LARGE1: variants seen among roughly 807,000 people sequenced by gnomAD.
The protein encoded by LARGE1 is LARGE xylosyl- and glucuronyltransferase 1.
LARGE1 carries 43 observed loss-of-function variants against 87.6 expected under a neutral mutation model. The ratio of observed to expected loss-of-function variants is 0.49; its 90% CI spans 0.38 to 0.63. The LOEUF (loss-of-function observed/expected upper bound fraction) is 0.63. LARGE1 is among the 30% of genes least tolerant of loss of function. LARGE1 has a pLI of 0.00. For missense variants in LARGE1, 802 were observed against 1,000.2 expected (o/e 0.80, Z 2.67); for synonymous variants, 434 against 394.6 (o/e 1.10, Z -1.18).
At chr22:33,382,155 C>T (rs2065181321) in intron 8 of LARGE1, 111 bp from the exon 9 acceptor site, 2 of 1,407,284 alleles carry the variant, frequency 1.4e-6, no homozygotes, top group African/African-American at 1.4e-5. Context: ...GAACCTCCTG[C>T]TCTGAACACA....
intron 2 of LARGE1, among the ~76,000 whole-genome samples, chr22:33,689,630 G>A (rs2082039549): frequency 6.6e-6 from 1 of 152,132 alleles, no homozygotes; most frequent in South Asian, 2.1e-4. Flanking sequence ...AGAAAAAGGT[G>A]AGGTGGGGGA....
the LARGE1 span, among the ~76,000 whole-genome samples, chr22:33,091,521 C>A: frequency 6.6e-6 from 1 of 151,842 alleles, no homozygotes. Context: ...GATCGCGCCA[C>A]TGCTCTCCAG....
chr22:33,819,598 C>A (rs776446144), intron 1 of LARGE1, among the ~76,000 whole-genome samples: 1 of 152,026 alleles, frequency 6.6e-6, no homozygotes, highest in Admixed American at 6.6e-5. Flanking sequence ...AGTCAACTGC[C>A]TTGACTTCAA....
chr22:33,569,090 T>C (rs1402535695), intron 5 of LARGE1, among the ~76,000 whole-genome samples: 1 of 152,184 alleles, frequency 6.6e-6, no homozygotes, highest in East Asian at 1.9e-4. Flanking sequence ...TTTATAAACA[T>C]CTTCCTCATG....
At chr22:33,798,634 G>C (rs143307054) in intron 1 of LARGE1, among the ~76,000 whole-genome samples, 2 of 152,106 alleles carry the variant, frequency 1.3e-5, no homozygotes, top group African/African-American at 4.8e-5. Flanking sequence ...CCCGGACATA[G>C]GACCTTGACA....
chr22:33,782,622 T>G (rs1008946205), intron 1 of LARGE1, among the ~76,000 whole-genome samples: 29 of 152,104 alleles, frequency 1.9e-4, no homozygotes, highest in African/African-American at 7.0e-4. Context: ...ATCCCAGCAC[T>G]TTGGGAGGCC....
chr22:33,251,701 T>C (rs1927014496), intron 11 of LARGE1, among the ~76,000 whole-genome samples: 1 of 152,210 alleles, frequency 6.6e-6, no homozygotes, highest in African/African-American at 2.4e-5. Context: ...TCAAACCCCA[T>C]TGCAAACCTC....
chr22:33,681,274 G>A (rs1357865964), intron 2 of LARGE1, among the ~76,000 whole-genome samples: 2 of 152,192 alleles, frequency 1.3e-5, no homozygotes, highest in Non-Finnish European at 2.9e-5. Flanking sequence ...GGGATGATGT[G>A]AATGGGCCAT....
intron 1 of LARGE1, among the ~76,000 whole-genome samples, chr22:33,867,025 C>A (rs916476839): frequency 1.3e-5 from 2 of 152,104 alleles, no homozygotes; most frequent in African/African-American, 4.8e-5. Context: ...ACAAAGCTAC[C>A]CACAAAGGTG....
At chr22:33,816,743 A>G (rs79215677) in intron 1 of LARGE1, among the ~76,000 whole-genome samples, 1 of 141,026 alleles carries the variant, frequency 7.1e-6, no homozygotes, top group Non-Finnish European at 1.6e-5. Flanking sequence ...CAGATACAGA[A>G]AGACAGATAC....
intron 3 of LARGE1, among the ~76,000 whole-genome samples, chr22:33,640,800 T>G (rs548097942): frequency 1.3e-5 from 2 of 152,154 alleles, no homozygotes; most frequent in East Asian, 3.9e-4. Context: ...CCCCTCACAG[T>G]GTTAATTGAC....
chr22:33,431,463 C>A (rs2067078382), intron 7 of LARGE1, among the ~76,000 whole-genome samples: 1 of 152,162 alleles, frequency 6.6e-6, no homozygotes, highest in Non-Finnish European at 1.5e-5. Flanking sequence ...CTCAAAAGTG[C>A]TGATTACCAA....
At chr22:33,693,595 C>T (rs1178439860) in intron 2 of LARGE1, among the ~76,000 whole-genome samples, 6 of 152,032 alleles carry the variant, frequency 3.9e-5, no homozygotes, top group East Asian at 3.9e-4. Flanking sequence ...GAGGCCGAGG[C>T]GGGCGGATCA....
intron 7 of LARGE1, among the ~76,000 whole-genome samples, chr22:33,420,744 T>G (rs1188729017): frequency 6.6e-6 from 1 of 152,190 alleles, no homozygotes; most frequent in Non-Finnish European, 1.5e-5. Context: ...AGATGCATGT[T>G]TAATTTCTGT....
chr22:33,577,296 G>C (rs1483967577), intron 5 of LARGE1, among the ~76,000 whole-genome samples: 1 of 152,150 alleles, frequency 6.6e-6, no homozygotes, highest in African/African-American at 2.4e-5. Context: ...TTTAAAAAGA[G>C]GTTAAGAAAC....
chr22:33,891,558 C>G (rs2065008170), intron 1 of LARGE1, among the ~76,000 whole-genome samples: 1 of 152,152 alleles, frequency 6.6e-6, no homozygotes, highest in Non-Finnish European at 1.5e-5. Context: ...CCTTCTCTGG[C>G]TTGGTTAATT....
the LARGE1 span, among the ~76,000 whole-genome samples, chr22:33,104,047 A>G: frequency 1.3e-5 from 2 of 152,214 alleles, no homozygotes; most frequent in Non-Finnish European, 2.9e-5. Context: ...ACCCAGTCTC[A>G]GGTATGTCTT....
chr22:33,921,874 T>G, upstream of LARGE1, among the ~76,000 whole-genome samples: 1 of 150,292 alleles, frequency 6.7e-6, no homozygotes, highest in African/African-American at 2.5e-5. This position sits in a 1 kb window ranked among gnomAD's most constrained non-coding sequence, Gnocchi z 4.1. Context: ...AGCGGGGGTG[T>G]GAGAATGGAT....
chr22:33,519,233 C>CGT (rs1021630518), intron 6 of LARGE1, among the ~76,000 whole-genome samples: 13 of 121,406 alleles, frequency 1.1e-4, no homozygotes, highest in Admixed American at 6.2e-4. Context: ...TGCGTGCGCG[C>CGT]GCGTGTGTGT....
Sources: gnomAD v4.1 joint callset for allele counts (sites outside exome capture counted in the v4.1 genomes callset) on GRCh38, gnomAD v4.1.1 for gene constraint, Gnocchi (gnomAD v3.1) non-coding constraint, MANE v1.5 for transcripts, NCBI Gene and HGNC (gene_info 2026-07-23, HGNC 2026-07-21) for gene names.